The following CASD1 variants were observed in gnomAD, a reference collection of about 807,000 sequenced individuals.
CASD1 encodes CAS1 domain sialic acid O acetyltransferase 1.
Under a neutral mutation model 100.0 loss-of-function variants are expected in CASD1, and 41 were observed. The observed-to-expected ratio is 0.41, with a 90% CI of 0.32 to 0.53. The LOEUF is 0.53. Ranked by LOEUF, CASD1 falls within the 20% of genes least tolerant of loss-of-function variation. CASD1 has a pLI of 0.25. For missense variants in CASD1, 774 were observed against 948.7 expected, an observed-to-expected ratio of 0.82 and a Z score of 2.42; for synonymous variants, 321 against 315.6, an observed-to-expected ratio of 1.02 and a Z score of -0.18.
At position 94,533,211 on chromosome 7, in the gene CASD1, A is replaced by C. The variant is rs757504479; in HGVS notation, c.466A>C (p.Ile156Leu). Residue 156 changes from isoleucine to leucine, a missense_variant, in exon 6 of 18, where the codon ATT (isoleucine) becomes CTT (leucine). Coordinates refer to ENST00000297273, the MANE Select transcript of CASD1 (RefSeq NM_022900.5). ...QCIKVWTEDS[I>L]AKPHVIVAGA... is the part of the protein sequence containing the mutation. ...AAGATTTGTCTTCCTTTAGGATTCC[A>C]TTGCAAAGCCACATGTGATTGTAGC... The C allele has an allele frequency of 9.3e-6, 15 of 1,608,038 alleles. No homozygotes were observed. The Admixed American group carries it at 2.5e-4, about 27-fold the overall frequency.
the CASD1 span, among the ~76,000 whole-genome samples, chr7:94,631,690 C>T: frequency 3.3e-5 from 5 of 151,626 alleles, no homozygotes; most frequent in African/African-American, 1.2e-4. Context: ...ATGCTGGATC[C>T]TGGGGTAAAT....
At chr7:94,600,597 GTTATC>G in the CASD1 span, 3 of 1,365,286 alleles carry the variant, frequency 2.2e-6, no homozygotes, top group African/African-American at 1.4e-5. Flanking sequence ...CTTCTATGTT[GTTATC>G]TTAGCAGGAT....
chr7:94,594,863 C>T, the CASD1 span, among the ~76,000 whole-genome samples: 1 of 152,098 alleles, frequency 6.6e-6, no homozygotes, highest in Non-Finnish European at 1.5e-5. Flanking sequence ...TATATTGTCT[C>T]TGTAATTTGA....
chr7:94,623,197 T>A, the CASD1 span: 1 of 593,080 alleles, frequency 1.7e-6, no homozygotes, highest in Non-Finnish European at 3.0e-6. Flanking sequence ...CTTTTCTATA[T>A]CTTATTATTT....
chr7:94,544,428 G>A lies in CASD1; in HGVS notation c.1374G>A (p.Met458Ile). 6.2e-7 allele frequency: 1 copy of A among 1,613,032 alleles called. No homozygotes were observed. The highest frequency in any genetic ancestry group is 8.5e-7 in the Non-Finnish European group (1 of 1,179,392). Residue 458 changes from methionine (M) to isoleucine (I), a missense_variant, in exon 11 of 18, where the codon ATG becomes ATA. Coordinates refer to ENST00000297273, the MANE Select transcript of CASD1 (RefSeq NM_022900.5). ...GTCAACAGTTTTTGCCTGTATACAT[G>A]CACATTCGAGTTCTGGTTGCTGCAT... ...SGASTFLPVY[M>I]HIRVLVAAYL...
chr7:94,544,033 A>C (rs1032597470), intron 10 of CASD1, among the ~76,000 whole-genome samples: 31 of 152,222 alleles, frequency 2.0e-4, no homozygotes, highest in Non-Finnish European at 2.8e-4. Context: ...AGGATGTATG[A>C]CAGTTAATTA....
the CASD1 span, among the ~76,000 whole-genome samples, chr7:94,586,243 G>A: frequency 1.3e-5 from 2 of 152,042 alleles, no homozygotes; most frequent in African/African-American, 4.8e-5. Flanking sequence ...GAAAACTCCA[G>A]TTACTGTTTG....
the CASD1 span, among the ~76,000 whole-genome samples, chr7:94,613,145 C>T: frequency 6.6e-6 from 1 of 152,138 alleles, no homozygotes; most frequent in South Asian, 2.1e-4. Flanking sequence ...AGATGTCATG[C>T]TCAGAAGCAG....
the CASD1 span, among the ~76,000 whole-genome samples, chr7:94,596,515 A>T: frequency 6.6e-6 from 1 of 152,146 alleles, no homozygotes; most frequent in Admixed American, 6.6e-5. Context: ...TTCTTTGAAG[A>T]GTTACCTATT....
chr7:94,629,051 A>T, the CASD1 span: 1 of 152,266 alleles, frequency 6.6e-6, no homozygotes, highest in African/African-American at 2.4e-5. Flanking sequence ...TATCAATTCT[A>T]ATGCTAAAAA....
the CASD1 span, among the ~76,000 whole-genome samples, chr7:94,567,306 C>T: frequency 6.6e-6 from 1 of 151,986 alleles, no homozygotes; most frequent in South Asian, 2.1e-4. Context: ...GTTGAAATGG[C>T]CTAGTTTTTA....
chr7:94,603,683 A>G, the CASD1 span, among the ~76,000 whole-genome samples: 1 of 152,080 alleles, frequency 6.6e-6, no homozygotes, highest in Non-Finnish European at 1.5e-5. Flanking sequence ...TACTCTCTCC[A>G]TTCTATGTTA....
At chr7:94,587,673 T>C in the CASD1 span, 2 of 1,524,662 alleles carry the variant, frequency 1.3e-6, no homozygotes, top group Non-Finnish European at 1.8e-6. Context: ...ACAGTCTTGT[T>C]GAAACATGTT....
chr7:94,607,936 C>CA, the CASD1 span, among the ~76,000 whole-genome samples: 1 of 152,066 alleles, frequency 6.6e-6, no homozygotes, highest in East Asian at 1.9e-4. Context: ...AATAACCTTC[C>CA]AAAACAGAAA....
chr7:94,591,100 G>T, the CASD1 span, among the ~76,000 whole-genome samples: 1 of 152,090 alleles, frequency 6.6e-6, no homozygotes, highest in African/African-American at 2.4e-5. Context: ...GTAGGCTAGA[G>T]GAGTATTTCT....
chr7:94,555,755 T>G lies in CASD1; in HGVS notation c.2391T>G (p.His797Gln). ...ILSSIQDKSKH is the reference protein window; with the variant it reads ...ILSSIQDKSKQ ...CATCCATTCAAGATAAATCAAAACA[T>G]TAGGTTCCAAAAATTCTAAAAAACC... The change falls in exon 18 of 18, where the codon CAT becomes CAG. Residue 797 changes from histidine to glutamine, a missense_variant. Physicochemically the swap from His to Gln is conservative, Grantham distance 24. Transcript: ENST00000297273. 1 of 1,608,710 alleles carries G rather than the reference T, an allele frequency of 6.2e-7. No homozygotes were observed. Among genetic ancestry groups the G allele is most frequent in the Non-Finnish European group, 8.5e-7 (1 of 1,177,990 alleles).
the CASD1 span, chr7:94,619,064 A>G: frequency 1.3e-6 from 1 of 792,770 alleles, no homozygotes; most frequent in Non-Finnish European, 2.2e-6. Context: ...TCCTGGCAGC[A>G]GGAAGCAATA....
chr7:94,554,256 A>C, intron 16 of CASD1: 1 of 356,542 alleles, frequency 2.8e-6, no homozygotes, highest in Non-Finnish European at 5.1e-6. Context: ...TGTACTACTT[A>C]AAATGTTCAT....
the CASD1 span, chr7:94,603,500 C>A: frequency 6.5e-7 from 1 of 1,549,000 alleles, no homozygotes. Context: ...AAATTGAAAA[C>A]ACTAAAAAAC....
Sources: allele counts gnomAD v4.1 joint callset (sites outside exome capture counted in the v4.1 genomes callset), GRCh38; gene constraint gnomAD v4.1.1; transcripts MANE v1.5; gene names NCBI Gene and HGNC (gene_info 2026-07-23, HGNC 2026-07-21).